Variants in BRCA2 observed in about 807,000 individuals in gnomAD.
The protein encoded by BRCA2 is breast cancer type 2 susceptibility protein.
In BRCA2, 203 loss-of-function variants were observed where a neutral mutation model predicts 276.7. The observed-to-expected ratio is 0.73, with a 90% CI of 0.65 to 0.82. The LOEUF is 0.82. Among genes scored for constraint, BRCA2 ranks in the 40% least tolerant of loss-of-function variants. The pLI is 0.00. For missense variants in BRCA2, 3,920 were observed against 3,915.0 expected, an observed-to-expected ratio of 1.00 and a Z score of -0.03; for synonymous variants, 1,289 against 1,338.4, an observed-to-expected ratio of 0.96 and a Z score of 0.81.
At chr13:32,349,042 T>C (rs2072629669) in intron 13 of BRCA2, among the ~76,000 whole-genome samples, 1 of 151,722 alleles carries the variant, frequency 6.6e-6, no homozygotes, top group Non-Finnish European at 1.5e-5. Context: ...GCCAACATGG[T>C]AAAATCCCAT....
chr13:32,316,552 T>A (rs1226106794), intron 2 of BRCA2, 25 bp downstream of exon 2: 1 of 1,588,872 alleles, frequency 6.3e-7, no homozygotes, highest in Non-Finnish European at 8.6e-7. Flanking sequence ...TATATAACTT[T>A]ATAAATTACA....
chr13:32,321,806 C>G (rs1221531402), intron 3 of BRCA2, among the ~76,000 whole-genome samples: 1 of 152,174 alleles, frequency 6.6e-6, no homozygotes, highest in Non-Finnish European at 1.5e-5. Flanking sequence ...TTCTGCCTCT[C>G]AGCAGTCCTT....
Position 32,372,402 on chromosome 13 carries a change from C to G in BRCA2, c.8632+1302C>G, listed in dbSNP as rs184398689. 7.9e-5 allele frequency among the ~76,000 whole-genome samples: 12 copies of G among 152,312 alleles called. No homozygotes were observed. The East Asian group carries it at 2.3e-3, about 29-fold the overall frequency. Reference sequence around the variant, plus strand: ...AAAGGAAAGAAGCTTAATTGACTTACAGTTCCACATGGCTGAGGAGGCCTC... The same window carrying G: ...AAAGGAAAGAAGCTTAATTGACTTAGAGTTCCACATGGCTGAGGAGGCCTC... On this transcript the variant is annotated intron_variant, in intron 20 of 26. Coordinates refer to ENST00000380152, the MANE Select transcript of BRCA2 (RefSeq NM_000059.4).
intron 13 of BRCA2, among the ~76,000 whole-genome samples, chr13:32,353,942 G>C (rs960653254): frequency 6.6e-6 from 1 of 152,110 alleles, no homozygotes; most frequent in African/African-American, 2.4e-5. Flanking sequence ...GAGAAAAATC[G>C]GGCATGAGGA....
rs748339683 is a variant in BRCA2 at position 32,330,940 on chromosome 13, A to G, written c.703A>G (p.Asn235Asp). ...GCAGAATGTGAAAAGCTATTTTTCC[A>G]ATCATGATGAAAGTCTGAAGAAAAA... ...TTANVKSYFS[N>D]HDESLKKNDR... The change falls in exon 9 of 27, where the codon AAT becomes GAT. Residue 235 changes from asparagine (N) to aspartate (D), a missense_variant. Around this residue, in one of 2 missense-constraint regions of BRCA2, gnomAD observed 3,263 missense variants for 3,156.9 expected, o/e 1.03. Transcript: ENST00000380152. 6.2e-7 allele frequency: 1 copy of G among 1,611,794 alleles called. No individual in the cohort carries two copies. The highest frequency in any genetic ancestry group is 2.2e-5 in the East Asian group (1 of 44,864).
At chr13:32,324,990 G>T in intron 3 of BRCA2, 86 bp from the exon 4 acceptor site, 2 of 920,380 alleles carry the variant, frequency 2.2e-6, no homozygotes, top group South Asian at 2.8e-5. Flanking sequence ...GTATAGAGGA[G>T]ACTTTTTGTT....
chr13:32,332,149 A>G, intron 9 of BRCA2, 123 bp from the exon 10 acceptor site: 2 of 979,796 alleles, frequency 2.0e-6, no homozygotes, highest in Non-Finnish European at 2.9e-6. Flanking sequence ...ATAACCCTTT[A>G]AATACTGATA....
intron 7 of BRCA2, among the ~76,000 whole-genome samples, 176 bp from the exon 8 acceptor site, chr13:32,329,262 ATAGTT>A (rs1245232315): frequency 6.6e-6 from 1 of 152,214 alleles, no homozygotes; most frequent in African/African-American, 2.4e-5. Flanking sequence ...GGAAGTAAGT[ATAGTT>A]TATTCACTGT....
chr13:32,371,237 G>A (rs1345776804), intron 20 of BRCA2, 137 bp downstream of exon 20: 1 of 903,328 alleles, frequency 1.1e-6, no homozygotes. Context: ...AGTATCTAGG[G>A]TATTCTTTTT....
chr13:32,324,717 C>G (rs760801812), intron 3 of BRCA2, among the ~76,000 whole-genome samples: 12 of 152,104 alleles, frequency 7.9e-5, no homozygotes, highest in African/African-American at 1.2e-4. Flanking sequence ...AGCTCAAGCT[C>G]CTGGGCTCAA....
chr13:32,393,945 G>A (rs149562057), intron 24 of BRCA2, among the ~76,000 whole-genome samples: 2 of 152,074 alleles, frequency 1.3e-5, no homozygotes, highest in Non-Finnish European at 2.9e-5. Flanking sequence ...CTCACACCCT[G>A]TTCCTTTAGT....
rs989596941 is a variant in BRCA2 at position 32,324,905 on chromosome 13, G to A, written c.317-171G>A. On this transcript the variant is annotated intron_variant, in intron 3 of 26. Coordinates refer to ENST00000380152, the MANE Select transcript of BRCA2 (RefSeq NM_000059.4). ...CCTCAAATTATAAGCCACTGTGCTC[G>A]GGGCATCCTTTTTGGGGGGTAATCA... Among the ~76,000 whole-genome samples the A allele has an allele frequency of 6.6e-6, 1 of 152,072 alleles. No individual in the cohort carries two copies. The highest frequency in any genetic ancestry group is 1.9e-4 in the East Asian group (1 of 5,196).
At chr13:32,391,532 G>T (rs566515426) in intron 24 of BRCA2, among the ~76,000 whole-genome samples, 1 of 152,192 alleles carries the variant, frequency 6.6e-6, no homozygotes, top group Non-Finnish European at 1.5e-5. Flanking sequence ...GAAGCTGGAG[G>T]ATCACATGCC....
chr13:32,346,166 T>A (rs893538654), intron 12 of BRCA2, among the ~76,000 whole-genome samples: 1 of 152,030 alleles, frequency 6.6e-6, no homozygotes, highest in Non-Finnish European at 1.5e-5. Flanking sequence ...TTGCTTACTA[T>A]AGGTAATCTT....
chr13:32,383,985 A>T (rs748317756), intron 24 of BRCA2, among the ~76,000 whole-genome samples: 2 of 152,218 alleles, frequency 1.3e-5, no homozygotes. Flanking sequence ...GCCTGTGAGG[A>T]TACTGAAATT....
At chr13:32,317,088 A>G (rs149774509) in intron 2 of BRCA2, among the ~76,000 whole-genome samples, 2 of 152,290 alleles carry the variant, frequency 1.3e-5, no homozygotes, top group African/African-American at 4.8e-5. Context: ...AATCCCAGCT[A>G]CACGGGAGGT....
intron 13 of BRCA2, among the ~76,000 whole-genome samples, chr13:32,350,779 T>TAAA (rs2072643998): frequency 6.6e-6 from 1 of 151,652 alleles, no homozygotes; most frequent in Non-Finnish European, 1.5e-5. Flanking sequence ...AATAAAAAAA[T>TAAA]AAAATAAAAT....
chr13:32,381,875 CTTG>C (rs553996012), intron 24 of BRCA2, among the ~76,000 whole-genome samples: 74 of 152,142 alleles, frequency 4.9e-4, no homozygotes, highest in African/African-American at 1.7e-3. Context: ...CAGTCAGATT[CTTG>C]TTGTATTTTG....
intron 7 of BRCA2, among the ~76,000 whole-genome samples, chr13:32,327,836 G>A (rs988926875): frequency 2.0e-5 from 3 of 146,902 alleles, no homozygotes; most frequent in Non-Finnish European, 4.5e-5. Flanking sequence ...TGGCACCGTC[G>A]CAGTTCACTG....
Sources: allele counts gnomAD v4.1 joint callset (sites outside exome capture counted in the v4.1 genomes callset), GRCh38; gene constraint gnomAD v4.1.1; regional missense constraint gnomAD v4.1.1; transcripts MANE v1.5; gene names NCBI Gene and HGNC (gene_info 2026-07-23, HGNC 2026-07-21).